ARMH3: variants seen among roughly 807,000 people sequenced by gnomAD.
ARMH3 encodes the protein armadillo like helical domain containing 3, also known as armadillo-like helical domain-containing protein 3.
In ARMH3, 60 loss-of-function variants were observed where a neutral mutation model predicts 99.1. The observed-to-expected ratio is 0.61, with a 90% CI of 0.49 to 0.75. The LOEUF (loss-of-function observed/expected upper bound fraction) is 0.75. Among genes scored for constraint, ARMH3 ranks in the 30% least tolerant of loss-of-function variants. The pLI, the probability that ARMH3 is intolerant of heterozygous loss-of-function variation, is 0.00. For synonymous variants in ARMH3, 285 were observed against 292.8 expected (o/e 0.97, Z 0.27); for missense variants, 679 against 843.1 (o/e 0.81, Z 2.41).
chr10:101,957,837 G>A (rs1845111053), intron 20 of ARMH3, 105 bp from the exon 21 acceptor site: 1 of 1,421,680 alleles, frequency 7.0e-7, no homozygotes, highest in African/African-American at 1.5e-5. Context: ...GTTAGAGTGA[G>A]TAAGTCTCAG....
intron 20 of ARMH3, 33 bp from the exon 21 acceptor site, chr10:101,957,765 T>G (rs1020083125): frequency 2.0e-6 from 3 of 1,527,682 alleles, no homozygotes; most frequent in African/African-American, 2.8e-5. Flanking sequence ...ATCAACAAGC[T>G]ATTCAAACCA....
chr10:101,940,874 T>C (rs539871264), intron 22 of ARMH3, among the ~76,000 whole-genome samples: 2 of 152,194 alleles, frequency 1.3e-5, no homozygotes, highest in Non-Finnish European at 2.9e-5. Context: ...GAGCCACACA[T>C]GCCATTTTAG....
chr10:101,995,527 C>T (rs1017257339), intron 15 of ARMH3, among the ~76,000 whole-genome samples, 172 bp from the exon 16 acceptor site: 8 of 152,172 alleles, frequency 5.3e-5, no homozygotes, highest in African/African-American at 1.9e-4. Flanking sequence ...CCCTCCTAGG[C>T]AAAAGAATTC....
intron 24 of ARMH3, among the ~76,000 whole-genome samples, chr10:101,860,154 C>T (rs2066831291): frequency 6.6e-6 from 1 of 152,112 alleles, no homozygotes; most frequent in Non-Finnish European, 1.5e-5. Flanking sequence ...ACTATATATA[C>T]CATTTCCAAC....
intron 6 of ARMH3, 140 bp downstream of exon 6, chr10:102,025,016 T>C (rs911425906): frequency 7.2e-6 from 5 of 697,070 alleles, no homozygotes; most frequent in Admixed American, 5.3e-5. Flanking sequence ...TAACTTCCTA[T>C]ACATCCAGAC....
chr10:101,864,074 A>ACACACACACAC (rs563347789), intron 24 of ARMH3, among the ~76,000 whole-genome samples: 3 of 129,052 alleles, frequency 2.3e-5, no homozygotes, highest in Non-Finnish European at 4.9e-5. Context: ...AAAAAAAAAA[A>ACACACACACAC]AAAAACACAC....
chr10:101,871,408 T>A (rs1407590778), intron 24 of ARMH3, among the ~76,000 whole-genome samples: 1 of 152,218 alleles, frequency 6.6e-6, no homozygotes, highest in East Asian at 1.9e-4. Context: ...GTTAGCTGAT[T>A]TCAAGATTTA....
chr10:101,911,958 AGGAGGC>A (rs1252723553), intron 23 of ARMH3, among the ~76,000 whole-genome samples: 1 of 152,054 alleles, frequency 6.6e-6, no homozygotes, highest in Non-Finnish European at 1.5e-5. Flanking sequence ...ACTTGAACCC[AGGAGGC>A]GGAGGTTGCA....
intron 4 of ARMH3, among the ~76,000 whole-genome samples, chr10:102,031,406 G>T (rs2067127998): frequency 6.6e-6 from 1 of 152,198 alleles, no homozygotes; most frequent in Non-Finnish European, 1.5e-5. Context: ...GTCACTAAGT[G>T]GCTTAATGTC....
intron 23 of ARMH3, among the ~76,000 whole-genome samples, chr10:101,908,724 C>T (rs911924908): frequency 9.4e-5 from 14 of 148,616 alleles, no homozygotes; most frequent in African/African-American, 1.2e-4. Flanking sequence ...AGTGCAATGG[C>T]GCAGTCTCAG....
At chr10:101,958,277 A>G (rs183005294) in intron 20 of ARMH3, among the ~76,000 whole-genome samples, 1 of 152,344 alleles carries the variant, frequency 6.6e-6, no homozygotes, top group East Asian at 1.9e-4. Context: ...TAACTGCTCT[A>G]ACTATTCAAA....
At position 101,958,517 on chromosome 10, in the gene ARMH3, T is replaced by C. The variant is rs7091377; in HGVS notation, c.1496-785A>G. ...CTTATACTCATTCACCTAGCACATT[T>C]TGTCCATGAAATGAGTCCTGCTTCT... On this transcript the variant is annotated intron_variant, in intron 20 of 25. Coordinates refer to ENST00000370033, the MANE Select transcript of ARMH3 (RefSeq NM_024541.3). Among the ~76,000 whole-genome samples, 1,507 of 152,262 alleles carry C rather than the reference T, an allele frequency of 9.9e-3. 18 individuals are homozygous for C. The highest frequency in any genetic ancestry group is 0.034 in the African/African-American group (1,431 of 41,536).
Position 102,023,425 on chromosome 10 carries a change from A to G in ARMH3, c.669+52T>C, listed in dbSNP as rs996870231. On this transcript the variant is annotated intron_variant, in intron 8 of 25. Coordinates refer to ENST00000370033, the MANE Select transcript of ARMH3 (RefSeq NM_024541.3). The stretch of plus-strand genomic sequence containing the variant: ...AGCAAAGTCCTTTAGGAGGGGCCGC[A>G]TTTAAGAAGATTATAGGCAGATAAC... 10 of 1,515,184 alleles carry G rather than the reference A, an allele frequency of 6.6e-6. No individual in the cohort carries two copies. In the African/African-American group the frequency reaches 1.4e-4, roughly 21 times the overall value. 93.9% of individuals were successfully genotyped at this position (1,515,184 alleles called of 1,614,324 possible). A position where few individuals can be genotyped will look rare whatever the true frequency, so the allele number is the denominator to read the frequency against.
intron 2 of ARMH3, among the ~76,000 whole-genome samples, chr10:102,033,594 AT>A (rs1457950407): frequency 6.6e-6 from 1 of 151,558 alleles, no homozygotes; most frequent in Non-Finnish European, 1.5e-5. Context: ...AATTTTTTGT[AT>A]TTTCAGTAGA....
intron 23 of ARMH3, among the ~76,000 whole-genome samples, chr10:101,911,773 A>G (rs940000118): frequency 6.6e-5 from 10 of 152,208 alleles, no homozygotes; most frequent in African/African-American, 1.9e-4. Flanking sequence ...ACAGTGGCTC[A>G]CGCCTGTAAT....
At chr10:101,986,814 A>G (rs1846533269) in intron 19 of ARMH3, among the ~76,000 whole-genome samples, 1 of 152,146 alleles carries the variant, frequency 6.6e-6, no homozygotes, top group Non-Finnish European at 1.5e-5. Flanking sequence ...ATCTGGAAAC[A>G]TGCCCAGGGG....
At chr10:102,031,946 G>A (rs992703298) in intron 4 of ARMH3, among the ~76,000 whole-genome samples, 2 of 151,992 alleles carry the variant, frequency 1.3e-5, no homozygotes, top group Non-Finnish European at 2.9e-5. Context: ...CCCCCTGTTA[G>A]CCAGGATGGT....
chr10:101,933,702 G>GA (rs201070749), intron 23 of ARMH3, among the ~76,000 whole-genome samples: 8 of 150,158 alleles, frequency 5.3e-5, no homozygotes, highest in South Asian at 2.1e-4. Flanking sequence ...CTGATTAACA[G>GA]AAAAAAAAAG....
chr10:101,865,705 T>G (rs1286109312), intron 24 of ARMH3, among the ~76,000 whole-genome samples: 1 of 151,210 alleles, frequency 6.6e-6, no homozygotes, highest in Non-Finnish European at 1.5e-5. Flanking sequence ...GCCAGGCTGG[T>G]CTTGAACTCC....
Sources: allele counts gnomAD v4.1 joint callset (sites outside exome capture counted in the v4.1 genomes callset), GRCh38; gene constraint gnomAD v4.1.1; transcripts MANE v1.5; gene names NCBI Gene and HGNC (gene_info 2026-07-23, HGNC 2026-07-21).